The following ZNF318 variants were observed in gnomAD, a reference collection of about 807,000 sequenced individuals.
The protein encoded by ZNF318 is zinc finger protein 318.
In ZNF318, 51 loss-of-function variants were observed where a neutral mutation model predicts 124.2. The ratio of observed to expected loss-of-function variants is 0.41; its 90% CI spans 0.33 to 0.52. The LOEUF (loss-of-function observed/expected upper bound fraction) is 0.52. Ranked by LOEUF, ZNF318 falls within the 20% of genes least tolerant of loss-of-function variation. ZNF318 has a pLI of 0.23. For missense variants in ZNF318, 2,815 were observed against 2,811.2 expected (o/e 1.00, Z -0.03); for synonymous variants, 1,090 against 1,040.7 (o/e 1.05, Z -0.91).
chr6:43,344,602 T>G (rs1779413358), intron 6 of ZNF318, among the ~76,000 whole-genome samples: 2 of 152,034 alleles, frequency 1.3e-5, no homozygotes, highest in Admixed American at 1.3e-4. Flanking sequence ...CTCTAACCAC[T>G]CTATACTCCT....
chr6:43,363,290 A>G (rs762396835), intron 2 of ZNF318, among the ~76,000 whole-genome samples: 5 of 152,228 alleles, frequency 3.3e-5, no homozygotes, highest in Non-Finnish European at 5.9e-5. Flanking sequence ...TACCTACTCA[A>G]TAATTTCCCC....
Position 43,368,842 on chromosome 6 carries a change from A to G in ZNF318, c.399+125T>C, listed in dbSNP as rs557051964. 6.5e-6 allele frequency: 8 copies of G among 1,235,102 alleles called. No individual in the cohort carries two copies. In the South Asian group the frequency reaches 2.4e-4, roughly 38 times the overall value. 76.5% of individuals were successfully genotyped at this position (1,235,102 alleles called of 1,614,324 possible). The stretch of plus-strand genomic sequence containing the variant: ...GAAGCCTCCAGGCTCGGCATCCCCG[A>G]GGGAGTTGGCCGGAGGCTTCGCGCT... On this transcript the variant is annotated intron_variant, in intron 1 of 9. Transcript: ENST00000361428.
intron 6 of ZNF318, among the ~76,000 whole-genome samples, chr6:43,343,608 C>T (rs767005966): frequency 2.0e-5 from 3 of 152,030 alleles, no homozygotes; most frequent in Admixed American, 6.6e-5. Flanking sequence ...GTGGGCAGAT[C>T]ACTTGAGGCC....
chr6:43,343,872 T>C (rs952505723), intron 6 of ZNF318, among the ~76,000 whole-genome samples: 1 of 151,312 alleles, frequency 6.6e-6, no homozygotes, highest in Non-Finnish European at 1.5e-5. Context: ...CGTTAACATG[T>C]ATCCTTTTTA....
At position 43,338,921 on chromosome 6, in the gene ZNF318, T is replaced by C; in HGVS notation, c.5077A>G (p.Thr1693Ala). The C allele has an allele frequency of 3.7e-6, 6 of 1,614,126 alleles. No individual in the cohort carries two copies. The highest frequency in any genetic ancestry group is 5.1e-6 in the Non-Finnish European group (6 of 1,180,028). ...GAGGTCCATATGGCCAAAGTGTCTG[T>C]CTTTGGGGTAATTGTTTCATAAGGC... is the stretch of plus-strand genomic sequence containing the variant. ...SRPYETITPK[T>A]DTLAIWTSSS... is the part of the protein sequence containing the mutation. Residue 1693 changes from threonine to alanine, a missense_variant, in exon 10 of 10, where the codon ACA (threonine) becomes GCA (alanine). Physicochemically the swap from Thr to Ala is moderately conservative, Grantham distance 58. Around this residue, in one of 4 missense-constraint regions of ZNF318, gnomAD observed 927 missense variants for 820.6 expected, o/e 1.13. Coordinates refer to ENST00000361428, the MANE Select transcript of ZNF318 (RefSeq NM_014345.3).
chr6:43,338,203 G>A lies in ZNF318; in HGVS notation c.5795C>T (p.Thr1932Ile). Residue 1932 changes from threonine to isoleucine, a missense_variant, in exon 10 of 10, where the codon ACT becomes ATT. Thr to Ile is a moderately conservative substitution (Grantham distance 89, BLOSUM62 -1). This residue lies in a region of ZNF318 where 927 missense variants were observed against 820.6 expected (regional missense o/e 1.13). Transcript: ENST00000361428. ...ENSAPESASR[T>I]SRYRSLKLKR... ...GAGTTTGAGACTTCTGTACCTAGAA[G>A]TTCTAGAAGCTGATTCTGGAGCTGA... is the stretch of plus-strand genomic sequence containing the variant. 2 of 1,614,116 alleles carry A rather than the reference G, an allele frequency of 1.2e-6. No homozygotes were observed. Among genetic ancestry groups the A allele is most frequent in the Non-Finnish European group, 1.7e-6 (2 of 1,180,028 alleles).
chr6:43,368,450 A>T (rs1779790047), intron 1 of ZNF318, among the ~76,000 whole-genome samples: 1 of 152,250 alleles, frequency 6.6e-6, no homozygotes, highest in Non-Finnish European at 1.5e-5. Flanking sequence ...GGTCCTGCAC[A>T]CTTCATTCCG....
At chr6:43,343,968 C>G (rs924386149) in intron 6 of ZNF318, among the ~76,000 whole-genome samples, 1 of 151,812 alleles carries the variant, frequency 6.6e-6, no homozygotes, top group African/African-American at 2.4e-5. Flanking sequence ...GAACAAGGCA[C>G]TCAGGAAATG....
intron 2 of ZNF318, among the ~76,000 whole-genome samples, chr6:43,359,369 C>T (rs570027809): frequency 5.9e-5 from 9 of 152,350 alleles, no homozygotes; most frequent in Admixed American, 2.6e-4. Context: ...TTCTATACCA[C>T]ACCCAATAAT....
At position 43,339,408 on chromosome 6, in the gene ZNF318, G is replaced by A. The variant is rs1196302998; in HGVS notation, c.4590C>T (p.Thr1530=). The stretch of plus-strand genomic sequence containing the variant: ...GAGGACGTACTAACACAGAGAACAG[G>A]GTCTGGTCTCGGTCACTCTCACTCA... The part of the protein sequence containing the change: ...PGVSESDRDQ[T]LFSVLVRPPP... Residue 1530 remains threonine (T), a synonymous_variant, in exon 10 of 10, where the codon ACC becomes ACT. Transcript: ENST00000361428. The surrounding 1 kb of genome is among the most constrained non-coding windows in gnomAD (Gnocchi z 4.2). 22 of 1,613,312 alleles carry A rather than the reference G, an allele frequency of 1.4e-5. No homozygotes were observed. Among genetic ancestry groups the A allele is most frequent in the Non-Finnish European group, 1.7e-5 (20 of 1,179,790 alleles).
intron 3 of ZNF318, 52 bp from the exon 4 acceptor site, chr6:43,356,197 A>G: frequency 6.5e-7 from 1 of 1,538,334 alleles, no homozygotes. Flanking sequence ...TCAGAACATT[A>G]GTAATTGAGA....
At position 43,366,475 on chromosome 6, in the gene ZNF318, G is replaced by A. The variant is rs867595126; in HGVS notation, c.400-1035C>T. On this transcript the variant is annotated intron_variant, in intron 1 of 9. Transcript: ENST00000361428. The stretch of plus-strand genomic sequence containing the variant: ...CTTTATTCAAAAATCACCTTCCCAG[G>A]AGGCCTTCCCTGACTACTCTCAAAA... Among the ~76,000 whole-genome samples, 16 of 151,938 alleles carry A rather than the reference G, an allele frequency of 1.1e-4. 1 individual carries two copies. The highest frequency in any genetic ancestry group is 3.1e-4 in the African/African-American group (13 of 41,342).
At position 43,340,217 on chromosome 6, in the gene ZNF318, CTTT is replaced by C; in HGVS notation, c.3778_3780del (p.Lys1260del). On this transcript the variant is annotated inframe_deletion, in exon 10 of 10. Transcript: ENST00000361428. ...GTTGGTGATTCCTTCTTTACCTCTTCTTTTAACTGGAGTTTGATGCCAGTGTTC... is the reference window on the plus strand; with the variant it reads ...GTTGGTGATTCCTTCTTTACCTCTTCTAACTGGAGTTTGATGCCAGTGTTC... 1.2e-6 allele frequency: 2 copies of C among 1,614,166 alleles called. No individual in the cohort carries two copies. Among genetic ancestry groups the C allele is most frequent in the East Asian group, 2.2e-5 (1 of 44,876 alleles).
rs1232728519 is a variant in ZNF318 at position 43,339,470 on chromosome 6, G to A, written c.4528C>T (p.Pro1510Ser). 1 of 1,614,008 alleles carries A rather than the reference G, an allele frequency of 6.2e-7. No homozygotes were observed. The highest frequency in any genetic ancestry group is 8.5e-7 in the Non-Finnish European group (1 of 1,180,030). The change falls in exon 10 of 10, where the codon CCA becomes TCA. Residue 1510 changes from proline to serine, a missense_variant. Physicochemically the swap from Pro to Ser is moderately conservative, Grantham distance 74. This residue lies in a region of ZNF318 where 500 missense variants were observed against 605.2 expected (regional missense o/e 0.83). Coordinates refer to ENST00000361428, the MANE Select transcript of ZNF318 (RefSeq NM_014345.3). The surrounding 1 kb of genome is among the most constrained non-coding windows in gnomAD (Gnocchi z 4.2). ...LPVAIMASAQPAAIPSDETAP... is the reference protein window; with the variant it reads ...LPVAIMASAQSAAIPSDETAP... ...GTCTCATCAGAAGGAATGGCAGCTG[G>A]CTGTGCTGAGGCCATGATGGCTACA...
chr6:43,355,036 G>A lies in ZNF318; in HGVS notation c.2298C>T (p.Ala766=), dbSNP rs1562133519. The change falls in exon 4 of 10, where the codon GCC becomes GCT. Residue 766 remains alanine, a synonymous_variant. Coordinates refer to ENST00000361428, the MANE Select transcript of ZNF318 (RefSeq NM_014345.3). ...GTATCCGAGCTGCAGCAAACTGAGA[G>A]GCCCTTGGCATGTGAAACTGAGATA... ...AALSQFHMPR[A]SQFAAARIPP... The A allele has an allele frequency of 6.2e-7, 1 of 1,613,742 alleles. No homozygotes were observed. Among genetic ancestry groups the A allele is most frequent in the Non-Finnish European group, 8.5e-7 (1 of 1,179,748 alleles).
At chr6:43,363,510 G>A (rs1433150873) in intron 2 of ZNF318, 3 of 214,828 alleles carry the variant, frequency 1.4e-5, no homozygotes, top group Non-Finnish European at 2.7e-5. Flanking sequence ...GGAAACCGTG[G>A]TGGCTTCCAT....
chr6:43,355,667 C>T lies in ZNF318; in HGVS notation c.1667G>A (p.Gly556Glu), dbSNP rs1250311639. Reference sequence around the variant, plus strand: ...CCTCATAACTTCACTCTCAGAGCTCCCAAGGGGCTTTGGTACGGATTCTGC... The same window carrying T: ...CCTCATAACTTCACTCTCAGAGCTCTCAAGGGGCTTTGGTACGGATTCTGC... ...LKAESVPKPL[G>E]SSESEVMRQK... The change falls in exon 4 of 10, where the codon GGG becomes GAG. Residue 556 changes from glycine to glutamate, a missense_variant. Gly to Glu is a moderately conservative substitution (Grantham distance 98). Transcript: ENST00000361428. 1 of 1,614,204 alleles carries T rather than the reference C, an allele frequency of 6.2e-7. No homozygotes were observed. The highest frequency in any genetic ancestry group is 2.2e-5 in the East Asian group (1 of 44,886).
rs1297674141 is a variant in ZNF318, at chr6:43,338,373, C to T, written c.5625G>A (p.Arg1875=). Residue 1875 remains arginine, a synonymous_variant, in exon 10 of 10, where the codon AGG becomes AGA. Coordinates refer to ENST00000361428, the MANE Select transcript of ZNF318 (RefSeq NM_014345.3). ...GTGTATCTTGTGGGTTGAGTAAAGA[C>T]CTAGCTTCTGATAAAAATGAGTCTA... ...AKLDSFLSEA[R]SLLNPQDTPV... The T allele has an allele frequency of 4.3e-6, 7 of 1,614,042 alleles. No homozygotes were observed. Among genetic ancestry groups the T allele is most frequent in the Middle Eastern group, 1.6e-4 (1 of 6,084 alleles).
intron 4 of ZNF318, among the ~76,000 whole-genome samples, chr6:43,353,399 G>C (rs1779561210): frequency 6.9e-6 from 1 of 145,758 alleles, no homozygotes; most frequent in Non-Finnish European, 1.5e-5. Context: ...TTTTGAGATG[G>C]AATCTTGCTC....
Sources: allele counts gnomAD v4.1 joint callset (sites outside exome capture counted in the v4.1 genomes callset), GRCh38; gene constraint gnomAD v4.1.1; regional missense constraint gnomAD v4.1.1; non-coding constraint Gnocchi (gnomAD v3.1); transcripts MANE v1.5; gene names NCBI Gene and HGNC (gene_info 2026-07-23, HGNC 2026-07-21).